Variants in SMYD2 observed in about 807,000 individuals in gnomAD.
The protein encoded by SMYD2 is SET and MYND domain containing 2.
In SMYD2, 53 loss-of-function variants were observed where a neutral mutation model predicts 59.1. That is an observed-to-expected ratio of 0.90 (90% CI 0.72 to 1.13). The LOEUF is 1.13. Ranked by LOEUF, SMYD2 falls within the 50% of genes most tolerant of loss-of-function variation. SMYD2 has a pLI of 0.00. For synonymous variants in SMYD2, 208 were observed against 198.8 expected, an observed-to-expected ratio of 1.05 and a Z score of -0.39; for missense variants, 494 against 544.7, an observed-to-expected ratio of 0.91 and a Z score of 0.93.
At chr1:214,281,682 C>A (rs778192154) in intron 1 of SMYD2, among the ~76,000 whole-genome samples, 2 of 152,230 alleles carry the variant, frequency 1.3e-5, no homozygotes, top group Non-Finnish European at 1.5e-5. Context: ...GAGTTGCTCA[C>A]GCTGGATGCG....
At position 214,292,089 on chromosome 1, in the gene SMYD2, TGAGAGAGA is replaced by T. The variant is rs56410935; in HGVS notation, c.173+10687_173+10694del. Reference sequence around the variant, plus strand: ...CTCAGCTACTAAATATTTTCTAGGGTGAGAGAGAGAGAGAGAGAGAGAGAGAGAGAGAA... The same window carrying T: ...CTCAGCTACTAAATATTTTCTAGGGTGAGAGAGAGAGAGAGAGAGAGAGAA... On this transcript the variant is annotated intron_variant, in intron 1 of 11. Coordinates refer to ENST00000366957, the MANE Select transcript of SMYD2 (RefSeq NM_020197.3). Among the ~76,000 whole-genome samples, 95 of 145,926 alleles carry T rather than the reference TGAGAGAGA, an allele frequency of 6.5e-4. 1 individual carries two copies. The highest frequency in any genetic ancestry group is 3.5e-3 in the Middle Eastern group (1 of 282).
intron 2 of SMYD2, among the ~76,000 whole-genome samples, chr1:214,305,639 C>G (rs191413090): frequency 4.7e-4 from 71 of 152,304 alleles, no homozygotes; most frequent in African/African-American, 1.7e-3. Flanking sequence ...CTACATCTTA[C>G]CCTTGGGCTG....
At chr1:214,286,273 C>T (rs1656543749) in intron 1 of SMYD2, among the ~76,000 whole-genome samples, 1 of 152,024 alleles carries the variant, frequency 6.6e-6, no homozygotes, top group African/African-American at 2.4e-5. Flanking sequence ...TGAGACCTGC[C>T]TGGGCAACAT....
intron 3 of SMYD2, 103 bp downstream of exon 3, chr1:214,314,975 CCTT>C (rs1208969068): frequency 1.5e-5 from 12 of 817,418 alleles, no homozygotes; most frequent in East Asian, 7.7e-5. Context: ...CGTTAAACAT[CCTT>C]AGACTACATT....
At chr1:214,304,767 C>A (rs577298223) in intron 1 of SMYD2, among the ~76,000 whole-genome samples, 53 of 152,240 alleles carry the variant, frequency 3.5e-4, no homozygotes, top group Non-Finnish European at 6.5e-4. Context: ...TGGGGTCAAA[C>A]CTTCAATGTG....
chr1:214,314,730 T>G (rs1192349753), intron 2 of SMYD2, 32 bp from the exon 3 acceptor site: 1 of 1,552,836 alleles, frequency 6.4e-7, no homozygotes, highest in Non-Finnish European at 8.9e-7. Flanking sequence ...GTATGTGCTA[T>G]TTTTTAATAA....
intron 1 of SMYD2, among the ~76,000 whole-genome samples, chr1:214,303,436 A>G (rs888084251): frequency 4.6e-5 from 7 of 152,196 alleles, no homozygotes. Context: ...GTCAGAGTTC[A>G]GTCCCTTCAG....
chr1:214,329,671 G>A (rs888485567), intron 7 of SMYD2, among the ~76,000 whole-genome samples: 2 of 152,314 alleles, frequency 1.3e-5, no homozygotes, highest in South Asian at 4.1e-4. Context: ...CCCACTGAGT[G>A]GAGCCTCTTG....
chr1:214,301,602 C>G (rs11120290), intron 1 of SMYD2, among the ~76,000 whole-genome samples: 79,232 of 151,768 alleles, frequency 0.52, 21,536 homozygotes, highest in African/African-American at 0.68. Context: ...GATGGCAGAT[C>G]TATGTTTTCC....
At chr1:214,329,284 C>G (rs1353331599) in intron 7 of SMYD2, among the ~76,000 whole-genome samples, 1 of 152,088 alleles carries the variant, frequency 6.6e-6, no homozygotes, top group African/African-American at 2.4e-5. Flanking sequence ...CTTAGCTGCC[C>G]CTGCAGCACC....
intron 8 of SMYD2, among the ~76,000 whole-genome samples, chr1:214,330,693 C>T (rs147855069): frequency 3.9e-5 from 6 of 152,356 alleles, no homozygotes; most frequent in African/African-American, 2.4e-5. Flanking sequence ...GATGTGTAAA[C>T]ACATATATCT....
chr1:214,332,236 G>T, intron 10 of SMYD2, 44 bp downstream of exon 10: 1 of 1,603,840 alleles, frequency 6.2e-7, no homozygotes, highest in Non-Finnish European at 8.5e-7. Flanking sequence ...GTGGAATTTG[G>T]TTGTTTAGAA....
intron 1 of SMYD2, among the ~76,000 whole-genome samples, chr1:214,292,089 T>TGAGAGA (rs56410935): frequency 0.051 from 7,375 of 145,910 alleles, 312 homozygotes; most frequent in African/African-American, 0.12. Context: ...TTTTCTAGGG[T>TGAGAGA]GAGAGAGAGA....
At position 214,334,274 on chromosome 1, in the gene SMYD2, A is replaced by G; in HGVS notation, c.1187A>G (p.Glu396Gly). The G allele has an allele frequency of 6.2e-7, 1 of 1,613,912 alleles. No homozygotes were observed. The highest frequency in any genetic ancestry group is 2.2e-5 in the East Asian group (1 of 44,882). ...CTAGGGAGACTCTACATGGGCCTGG[A>G]ACACAAAGCCGCAGGGGAGAAAGCC... is the stretch of plus-strand genomic sequence containing the variant. ...LKLGRLYMGL[E>G]HKAAGEKALK... Residue 396 changes from glutamate (E) to glycine (G), a missense_variant, in exon 11 of 12, where the codon GAA becomes GGA. Physicochemically the swap from Glu to Gly is moderately conservative, Grantham distance 98. Transcript: ENST00000366957.
At chr1:214,324,605 C>G in intron 5 of SMYD2, 36 bp from the exon 6 acceptor site, 1 of 1,550,658 alleles carries the variant, frequency 6.4e-7, no homozygotes, top group Non-Finnish European at 8.8e-7. Flanking sequence ...GAAGCTCCAG[C>G]TCATTTTTTT....
At chr1:214,296,785 G>A (rs1202034309) in intron 1 of SMYD2, among the ~76,000 whole-genome samples, 1 of 150,988 alleles carries the variant, frequency 6.6e-6, no homozygotes, top group Non-Finnish European at 1.5e-5. Flanking sequence ...AAGGATTTGA[G>A]AGAGGGAAGT....
chr1:214,322,221 C>T (rs1400015811), intron 5 of SMYD2, among the ~76,000 whole-genome samples: 1 of 152,232 alleles, frequency 6.6e-6, no homozygotes. Flanking sequence ...CGTGGTAGTA[C>T]TCAGTCTGAG....
intron 2 of SMYD2, among the ~76,000 whole-genome samples, chr1:214,307,805 C>T (rs977347744): frequency 1.1e-4 from 16 of 152,176 alleles, no homozygotes; most frequent in Admixed American, 7.9e-4. Flanking sequence ...TGAGGGGTGT[C>T]CTCCCTTGGG....
intron 2 of SMYD2, among the ~76,000 whole-genome samples, chr1:214,309,459 T>C (rs140518188): frequency 1.3e-5 from 2 of 152,334 alleles, no homozygotes; most frequent in African/African-American, 4.8e-5. Context: ...TAGGACTTTC[T>C]AGGGTATATT....
Sources: allele counts gnomAD v4.1 joint callset (sites outside exome capture counted in the v4.1 genomes callset), GRCh38; gene constraint gnomAD v4.1.1; transcripts MANE v1.5; gene names NCBI Gene and HGNC (gene_info 2026-07-23, HGNC 2026-07-21).